Variants in DPP10 observed in about 807,000 individuals in gnomAD.
The protein encoded by DPP10 is inactive dipeptidyl peptidase 10.
In DPP10, 33 loss-of-function variants were observed where a neutral mutation model predicts 120.9. The ratio of observed to expected loss-of-function variants is 0.27; its 90% CI spans 0.21 to 0.37. DPP10 has a LOEUF of 0.37. DPP10 is among the 10% of genes least tolerant of loss of function. The probability of loss-of-function intolerance (pLI) is 1.00; values close to 1 mark genes in which losing one functional copy is unlikely to be tolerated. For missense variants in DPP10, 816 were observed against 942.8 expected, an observed-to-expected ratio of 0.87 and a Z score of 1.76; for synonymous variants, 337 against 326.1, an observed-to-expected ratio of 1.03 and a Z score of -0.36.
intron 21 of DPP10, among the ~76,000 whole-genome samples, chr2:115,820,282 G>C (rs1350762369): frequency 2.6e-5 from 4 of 151,954 alleles, no homozygotes; most frequent in Non-Finnish European, 5.9e-5. Flanking sequence ...TATGAGTTAG[G>C]GAGGGAATCA....
At chr2:115,457,007 C>T (rs1246348760) in intron 3 of DPP10, among the ~76,000 whole-genome samples, 1 of 151,716 alleles carries the variant, frequency 6.6e-6, no homozygotes, top group Non-Finnish European at 1.5e-5. Context: ...TTGCCATACC[C>T]GATTTCAAAA....
intron 1 of DPP10, among the ~76,000 whole-genome samples, chr2:115,098,355 T>C (rs1367003485): frequency 6.6e-6 from 1 of 152,200 alleles, no homozygotes; most frequent in African/African-American, 2.4e-5. Context: ...ATGCATCCCT[T>C]ACCAACAGGG....
chr2:115,467,045 A>G (rs1324469136), intron 3 of DPP10, among the ~76,000 whole-genome samples: 1 of 152,208 alleles, frequency 6.6e-6, no homozygotes, highest in Non-Finnish European at 1.5e-5. Context: ...GAAAGAATGT[A>G]GCACTCTCTT....
At chr2:114,984,718 A>C in intron 1 of DPP10, among the ~76,000 whole-genome samples, 1 of 152,190 alleles carries the variant, frequency 6.6e-6, no homozygotes, top group East Asian at 1.9e-4. Context: ...CTTTAGCATT[A>C]TCCTAGTTGG....
chr2:115,712,444 C>G (rs2092349369), intron 7 of DPP10, among the ~76,000 whole-genome samples: 1 of 149,464 alleles, frequency 6.7e-6, no homozygotes, highest in Non-Finnish European at 1.5e-5. Context: ...GGTCCATGGC[C>G]TGGGGGTTAG....
At chr2:114,916,869 G>A (rs1694845164) in intron 1 of DPP10, among the ~76,000 whole-genome samples, 1 of 152,092 alleles carries the variant, frequency 6.6e-6, no homozygotes, top group South Asian at 2.1e-4. Context: ...ACCATACTGA[G>A]TGGGCAAAAG....
At chr2:115,243,741 T>C (rs1341446898) in intron 1 of DPP10, among the ~76,000 whole-genome samples, 1 of 150,968 alleles carries the variant, frequency 6.6e-6, no homozygotes, top group East Asian at 1.9e-4. Context: ...TGACTTTTCT[T>C]CTTTTTCTTC....
chr2:114,583,631 A>T (rs1224802418), intron 1 of DPP10, among the ~76,000 whole-genome samples: 1 of 152,172 alleles, frequency 6.6e-6, no homozygotes, highest in Admixed American at 6.5e-5. Flanking sequence ...TGAAACTTTG[A>T]CTTTTTAAAT....
At chr2:115,551,455 T>G (rs1025649874) in intron 5 of DPP10, among the ~76,000 whole-genome samples, 13 of 152,228 alleles carry the variant, frequency 8.5e-5, no homozygotes, top group African/African-American at 2.9e-4. Flanking sequence ...ATGGATTCTC[T>G]CTCCAATGAC....
intron 1 of DPP10, among the ~76,000 whole-genome samples, chr2:115,078,995 T>C (rs1708025539): frequency 6.6e-6 from 1 of 152,204 alleles, no homozygotes; most frequent in Non-Finnish European, 1.5e-5. Flanking sequence ...TCAAGTCTTA[T>C]TTTTTCTTCA....
At chr2:114,787,326 C>A (rs1186402469) in intron 1 of DPP10, among the ~76,000 whole-genome samples, 1 of 152,144 alleles carries the variant, frequency 6.6e-6, no homozygotes, top group Non-Finnish European at 1.5e-5. Context: ...CAGTGTGAAC[C>A]TTGGAGTGTG....
chr2:114,542,790 C>A (rs1008867574), intron 1 of DPP10, among the ~76,000 whole-genome samples: 1 of 152,284 alleles, frequency 6.6e-6, no homozygotes, highest in African/African-American at 2.4e-5. Flanking sequence ...TCTCATGACT[C>A]ATTATTGCAC....
At chr2:114,924,189 C>T (rs1695421206) in intron 1 of DPP10, among the ~76,000 whole-genome samples, 1 of 152,122 alleles carries the variant, frequency 6.6e-6, no homozygotes, top group Non-Finnish European at 1.5e-5. Context: ...TAGAGCTGGG[C>T]TCACCATAAA....
intron 5 of DPP10, among the ~76,000 whole-genome samples, chr2:115,609,257 C>T (rs998302183): frequency 3.9e-5 from 6 of 151,948 alleles, no homozygotes; most frequent in Admixed American, 3.9e-4. Flanking sequence ...GCCAGCAGAG[C>T]TTATTAGAAT....
intron 1 of DPP10, among the ~76,000 whole-genome samples, chr2:115,004,522 G>A (rs926672071): frequency 5.9e-5 from 9 of 152,272 alleles, no homozygotes; most frequent in East Asian, 3.9e-4. Flanking sequence ...CACCGTGCGC[G>A]AGCCAAAGCA....
At chr2:115,687,803 T>A (rs2091084811) in intron 5 of DPP10, among the ~76,000 whole-genome samples, 1 of 152,054 alleles carries the variant, frequency 6.6e-6, no homozygotes, top group African/African-American at 2.4e-5. Flanking sequence ...ATTCAATAAT[T>A]ATACACAGTT....
chr2:115,105,536 ACAG>A, intron 1 of DPP10, among the ~76,000 whole-genome samples: 1 of 152,142 alleles, frequency 6.6e-6, no homozygotes, highest in Non-Finnish European at 1.5e-5. Context: ...TACCATGGTG[ACAG>A]CACCAAGTCA....
chr2:114,928,642 G>T (rs1695822892), intron 1 of DPP10, among the ~76,000 whole-genome samples: 1 of 152,038 alleles, frequency 6.6e-6, no homozygotes, highest in Non-Finnish European at 1.5e-5. Context: ...GGGTCTGGAA[G>T]GTGATGGTTC....
Position 115,222,447 on chromosome 2 carries a change from G to C in DPP10, c.61-86792G>C, listed in dbSNP as rs901913363. Among the ~76,000 whole-genome samples, 19 of 152,174 alleles carry C rather than the reference G, an allele frequency of 1.2e-4. No individual in the cohort carries two copies. The East Asian group carries it at 3.1e-3, about 25-fold the overall frequency. On this transcript the variant is annotated intron_variant, in intron 1 of 25. Coordinates refer to ENST00000410059, the MANE Select transcript of DPP10 (RefSeq NM_020868.6). The stretch of plus-strand genomic sequence containing the variant: ...ATGCTGCTTTCCTGATAATACATAA[G>C]TCTCATGAGATCCATTGGTTTTAAA...
Sources: allele counts gnomAD v4.1 joint callset (sites outside exome capture counted in the v4.1 genomes callset), GRCh38; gene constraint gnomAD v4.1.1; transcripts MANE v1.5; gene names NCBI Gene and HGNC (gene_info 2026-07-23, HGNC 2026-07-21).